PPARG: variants seen among roughly 807,000 people sequenced by gnomAD.
PPARG encodes the protein peroxisome proliferator activated receptor gamma, also known as peroxisome proliferator-activated receptor gamma.
Under a neutral mutation model 39.2 loss-of-function variants are expected in PPARG, and 17 were observed. The observed-to-expected ratio is 0.43, with a 90% confidence interval of 0.30 to 0.65. The LOEUF (loss-of-function observed/expected upper bound fraction) is 0.65, where lower values mean the gene tolerates loss of function less well. Ranked by LOEUF, PPARG falls within the 30% of genes least tolerant of loss-of-function variation. PPARG has a pLI of 0.13. For synonymous variants in PPARG, 223 were observed against 215.7 expected (o/e 1.03, Z -0.30); for missense variants, 406 against 585.9 (o/e 0.69, Z 3.17).
intron 4 of PPARG, among the ~76,000 whole-genome samples, chr3:12,384,723 C>A (rs938308249): frequency 1.3e-5 from 2 of 152,062 alleles, no homozygotes; most frequent in African/African-American, 4.8e-5. Flanking sequence ...ATTTTTATTA[C>A]TTTTTTCACT....
At chr3:12,322,803 T>G (rs1484948497) in intron 2 of PPARG, among the ~76,000 whole-genome samples, 1 of 152,066 alleles carries the variant, frequency 6.6e-6, no homozygotes, top group Admixed American at 6.6e-5. Flanking sequence ...TTTGTTTGTT[T>G]GTTTGTTTGT....
intron 4 of PPARG, among the ~76,000 whole-genome samples, chr3:12,390,637 C>CTTTTTTTTTTTTTTTT (rs35190152): frequency 4.3e-5 from 4 of 92,354 alleles, no homozygotes; most frequent in East Asian, 3.1e-4. Flanking sequence ...TATTTTCTTC[C>CTTTTTTTTTTTTTTTT]TTTTTTTTTT....
At chr3:12,327,407 C>G (rs1186320024) in intron 2 of PPARG, among the ~76,000 whole-genome samples, 3 of 152,104 alleles carry the variant, frequency 2.0e-5, no homozygotes, top group Non-Finnish European at 4.4e-5. Flanking sequence ...GGTAAGAAGT[C>G]CAGTAAAGAG....
chr3:12,346,026 T>C (rs529974892), intron 2 of PPARG, among the ~76,000 whole-genome samples: 1 of 152,348 alleles, frequency 6.6e-6, no homozygotes, highest in Admixed American at 6.5e-5. Flanking sequence ...ATTTCAGATA[T>C]TACATGCAAC....
At chr3:12,394,799 G>T (rs1318839795) in intron 5 of PPARG, among the ~76,000 whole-genome samples, 1 of 152,206 alleles carries the variant, frequency 6.6e-6, no homozygotes, top group Non-Finnish European at 1.5e-5. Context: ...TTTCTAGGAA[G>T]TTGAGTCACT....
chr3:12,388,658 T>A (rs972726358), intron 4 of PPARG, among the ~76,000 whole-genome samples: 1 of 152,194 alleles, frequency 6.6e-6, no homozygotes, highest in Non-Finnish European at 1.5e-5. Flanking sequence ...CCATCTTGAA[T>A]GACATTCATC....
intron 2 of PPARG, among the ~76,000 whole-genome samples, chr3:12,355,946 G>A (rs116174532): frequency 0.014 from 2,096 of 152,106 alleles, 42 homozygotes; most frequent in African/African-American, 0.047. Flanking sequence ...GATAATCCTG[G>A]GAAAATTTCT....
chr3:12,419,962 G>C (rs962865729), intron 7 of PPARG, among the ~76,000 whole-genome samples: 5 of 152,052 alleles, frequency 3.3e-5, no homozygotes, highest in Non-Finnish European at 7.4e-5. Flanking sequence ...AGTATTACAT[G>C]GTCATTTTAT....
At chr3:12,356,335 C>T (rs2048665159) in intron 2 of PPARG, among the ~76,000 whole-genome samples, 1 of 152,200 alleles carries the variant, frequency 6.6e-6, no homozygotes, top group African/African-American at 2.4e-5. Flanking sequence ...CCATCCAACT[C>T]TTATAACCTC....
intron 1 of PPARG, among the ~76,000 whole-genome samples, chr3:12,311,153 G>A (rs563965988): frequency 2.6e-5 from 4 of 152,060 alleles, no homozygotes; most frequent in African/African-American, 4.8e-5. Context: ...GCCCAGGCTG[G>A]AGTGCAGTGG....
At chr3:12,371,490 C>G (rs1479889317) in intron 2 of PPARG, among the ~76,000 whole-genome samples, 1 of 152,158 alleles carries the variant, frequency 6.6e-6, no homozygotes, top group Non-Finnish European at 1.5e-5. Context: ...AATTCTGTTA[C>G]AGATTTAGTT....
chr3:12,313,226 T>A (rs967026052), intron 2 of PPARG, among the ~76,000 whole-genome samples: 2 of 152,128 alleles, frequency 1.3e-5, no homozygotes, highest in Non-Finnish European at 1.5e-5. Context: ...GAATAAAGAA[T>A]CATCAGATAG....
intron 7 of PPARG, among the ~76,000 whole-genome samples, chr3:12,423,410 T>C (rs1385524208): frequency 1.3e-5 from 2 of 152,200 alleles, no homozygotes; most frequent in Admixed American, 1.3e-4. Flanking sequence ...TTTGGGAGTA[T>C]TCATCTCTCT....
At chr3:12,337,124 TA>T (rs2048035354) in intron 2 of PPARG, among the ~76,000 whole-genome samples, 1 of 152,232 alleles carries the variant, frequency 6.6e-6, no homozygotes, top group African/African-American at 2.4e-5. Context: ...CTCTATGAGT[TA>T]CTAGGATGAA....
chr3:12,372,229 G>A (rs1347109259), intron 2 of PPARG: 1 of 702,410 alleles, frequency 1.4e-6, no homozygotes, highest in Non-Finnish European at 2.6e-6. Context: ...AGGTATTCAT[G>A]AAGATTTGTT....
intron 2 of PPARG, among the ~76,000 whole-genome samples, chr3:12,356,841 A>C (rs1417577407): frequency 2.0e-5 from 3 of 152,008 alleles, no homozygotes; most frequent in African/African-American, 7.2e-5. Context: ...AGGCCGACCC[A>C]CCCTTGCTCC....
At chr3:12,297,800 CTCTT>C (rs569657674) in intron 1 of PPARG, 3 of 152,122 alleles carry the variant, frequency 2.0e-5, no homozygotes, top group Non-Finnish European at 2.9e-5. Flanking sequence ...AAGCCCTTCT[CTCTT>C]TATTTTTTTC....
intron 2 of PPARG, among the ~76,000 whole-genome samples, chr3:12,370,525 A>T (rs1321078758): frequency 2.6e-4 from 40 of 152,180 alleles, no homozygotes; most frequent in Non-Finnish European, 4.4e-5. Flanking sequence ...GATGATAACT[A>T]TATGTTTAAA....
intron 1 of PPARG, among the ~76,000 whole-genome samples, chr3:12,299,460 C>T (rs1378951088): frequency 1.3e-5 from 2 of 151,934 alleles, no homozygotes; most frequent in Non-Finnish European, 2.9e-5. Context: ...TCTTACTATC[C>T]TATTATCTTA....
Sources: allele counts gnomAD v4.1 joint callset (sites outside exome capture counted in the v4.1 genomes callset), GRCh38; gene constraint gnomAD v4.1.1; transcripts MANE v1.5; gene names NCBI Gene and HGNC (gene_info 2026-07-23, HGNC 2026-07-21).